Variants in DNAH7 observed in about 807,000 individuals in gnomAD.
DNAH7 encodes dynein axonemal heavy chain 7, also known as axonemal beta dynein heavy chain 7.
A neutral mutation model predicts 444.6 loss-of-function variants in DNAH7; 397 were observed. That is an observed-to-expected ratio of 0.89 (90% confidence interval 0.82 to 0.97). The LOEUF (loss-of-function observed/expected upper bound fraction) is 0.97, where lower values mean the gene tolerates loss of function less well. Among genes scored for constraint, DNAH7 ranks in the 50% least tolerant of loss-of-function variants. The pLI is 0.00. For missense variants in DNAH7, 4,902 were observed against 4,800.8 expected (o/e 1.02, Z -0.62); for synonymous variants, 1,636 against 1,624.4 (o/e 1.01, Z -0.17).
intron 47 of DNAH7, among the ~76,000 whole-genome samples, chr2:195,836,432 G>A (rs1479342845): frequency 3.3e-5 from 5 of 151,814 alleles, no homozygotes; most frequent in African/African-American, 1.2e-4. Context: ...GATCACTTGA[G>A]TTTGCAGTGA....
chr2:195,927,328 T>C (rs1688398192), intron 21 of DNAH7, among the ~76,000 whole-genome samples: 2 of 152,228 alleles, frequency 1.3e-5, no homozygotes, highest in South Asian at 2.1e-4. Context: ...TAGATTTTTC[T>C]GAAAAATATC....
chr2:195,905,914 T>A (rs2125286116), intron 27 of DNAH7, among the ~76,000 whole-genome samples: 1 of 152,220 alleles, frequency 6.6e-6, no homozygotes, highest in Admixed American at 6.5e-5. Context: ...TAAAGAAATA[T>A]TTCAAAATAG....
At chr2:195,835,839 T>C (rs1273102950) in intron 47 of DNAH7, among the ~76,000 whole-genome samples, 1 of 152,082 alleles carries the variant, frequency 6.6e-6, no homozygotes, top group Non-Finnish European at 1.5e-5. Flanking sequence ...CAAGACTCTG[T>C]CTCAAACAAA....
At chr2:195,975,079 T>G (rs1039724996) in intron 15 of DNAH7, among the ~76,000 whole-genome samples, 1 of 152,106 alleles carries the variant, frequency 6.6e-6, no homozygotes, top group African/African-American at 2.4e-5. Context: ...CTGATCATTC[T>G]CCCCATAGAA....
chr2:195,884,951 T>G, intron 34 of DNAH7, 142 bp from the exon 35 acceptor site: 1 of 646,294 alleles, frequency 1.5e-6, no homozygotes, highest in Non-Finnish European at 2.5e-6. Context: ...CATCTCAGGA[T>G]TTTGTAATCA....
At chr2:196,019,414 T>C (rs1695233401) in intron 8 of DNAH7, 119 bp from the exon 9 acceptor site, 2 of 710,158 alleles carry the variant, frequency 2.8e-6, no homozygotes, top group South Asian at 6.1e-5. Flanking sequence ...CTCATCATAA[T>C]AACAAAACAA....
rs1690737107 is a variant in DNAH7 at position 195,957,296 on chromosome 2, T to TAA, written c.3042_3043insTT (p.Lys1015LeufsTer7). 1 of 1,597,490 alleles carries TAA rather than the reference T, an allele frequency of 6.3e-7. No individual in the cohort carries two copies. Among genetic ancestry groups the TAA allele is most frequent in the African/African-American group, 1.3e-5 (1 of 74,668 alleles). ...CTTCTCATTATATCTCTCCATGTCT[T>TAA]ATCCACAGCTGTAAATCGTCTGCCT... On this transcript the variant is annotated frameshift_variant, in exon 19 of 65. Coordinates refer to ENST00000312428, the MANE Select transcript of DNAH7 (RefSeq NM_018897.3). LOFTEE classifies it high-confidence loss of function.
rs181296825 is a variant in DNAH7, at chr2:196,065,623, A to C, written c.15+3074T>G. 4.3e-3 allele frequency among the ~76,000 whole-genome samples: 652 copies of C among 152,330 alleles called. 3 individuals carry two copies. Among genetic ancestry groups the C allele is most frequent in the African/African-American group, 0.015 (612 of 41,564 alleles). On this transcript the variant is annotated intron_variant, in intron 1 of 64. Transcript: ENST00000312428. ...GGAGGAGACTGAAGAGCAGGAGGGC[A>C]GAAAGTTTAGGATATTTGTTTCCTA... is the stretch of plus-strand genomic sequence containing the variant.
At chr2:196,013,479 A>T (rs534813913) in intron 9 of DNAH7, among the ~76,000 whole-genome samples, 1 of 152,328 alleles carries the variant, frequency 6.6e-6, no homozygotes, top group African/African-American at 2.4e-5. Flanking sequence ...TACTCATCTA[A>T]GTATTTTCTC....
At chr2:195,908,354 A>G (rs1481763714) in intron 25 of DNAH7, among the ~76,000 whole-genome samples, 2 of 152,080 alleles carry the variant, frequency 1.3e-5, no homozygotes, top group Admixed American at 1.3e-4. Context: ...CTGGTATCAT[A>G]CCATTTTGGT....
chr2:195,820,211 C>T (rs897624868), intron 49 of DNAH7, among the ~76,000 whole-genome samples: 4 of 151,842 alleles, frequency 2.6e-5, no homozygotes, highest in East Asian at 1.9e-4. Flanking sequence ...AACCAAACAC[C>T]GCATGTTCTC....
chr2:195,976,678 A>C (rs1692202936), intron 15 of DNAH7, among the ~76,000 whole-genome samples: 1 of 150,230 alleles, frequency 6.7e-6, no homozygotes, highest in South Asian at 2.1e-4. Flanking sequence ...TGATGGTCAC[A>C]AGGGTGTTTG....
chr2:195,826,192 T>C (rs1697737866), intron 48 of DNAH7, among the ~76,000 whole-genome samples: 1 of 152,242 alleles, frequency 6.6e-6, no homozygotes, highest in Admixed American at 6.5e-5. Context: ...GGTCAACAGT[T>C]ATTAACATTT....
intron 63 of DNAH7, among the ~76,000 whole-genome samples, chr2:195,754,106 C>T (rs1351606533): frequency 6.6e-6 from 1 of 152,170 alleles, no homozygotes; most frequent in Non-Finnish European, 1.5e-5. Flanking sequence ...CTACTGTTAT[C>T]ATTTTCTTCC....
At chr2:196,012,700 T>C (rs1381502244) in intron 10 of DNAH7, 87 bp downstream of exon 10, 1 of 1,325,410 alleles carries the variant, frequency 7.5e-7, no homozygotes, top group Non-Finnish European at 1.0e-6. Flanking sequence ...ACATTAAAAT[T>C]GGATCTTCTA....
At chr2:196,023,853 C>T (rs1250265241) in intron 8 of DNAH7, among the ~76,000 whole-genome samples, 1 of 152,158 alleles carries the variant, frequency 6.6e-6, no homozygotes, top group East Asian at 1.9e-4. Flanking sequence ...CAAGAGGCCA[C>T]TGTAGGTTAC....
intron 31 of DNAH7, 82 bp from the exon 32 acceptor site, chr2:195,889,063 T>A (rs1701866466): frequency 7.6e-7 from 1 of 1,309,982 alleles, no homozygotes; most frequent in African/African-American, 1.5e-5. Context: ...TATTTCAAAA[T>A]TTTAAAATAT....
At chr2:195,765,777 T>G (rs1433696257) in intron 61 of DNAH7, among the ~76,000 whole-genome samples, 2 of 152,090 alleles carry the variant, frequency 1.3e-5, no homozygotes, top group African/African-American at 2.4e-5. Context: ...ACACTGTTGG[T>G]GAGAATGTAA....
chr2:195,838,801 A>G (rs1559134204), intron 47 of DNAH7, among the ~76,000 whole-genome samples: 1 of 152,008 alleles, frequency 6.6e-6, no homozygotes, highest in Non-Finnish European at 1.5e-5. Context: ...AGTATATTAG[A>G]AAAAATAGAC....
Sources: allele counts gnomAD v4.1 joint callset (sites outside exome capture counted in the v4.1 genomes callset), GRCh38; gene constraint gnomAD v4.1.1; transcripts MANE v1.5; gene names NCBI Gene and HGNC (gene_info 2026-07-23, HGNC 2026-07-21).